Variants in CPS1 observed in about 807,000 individuals in gnomAD.
CPS1 encodes carbamoyl-phosphate synthase 1.
Under a neutral mutation model 174.6 loss-of-function variants are expected in CPS1, and 109 were observed. That is an observed-to-expected ratio of 0.62 (90% CI 0.53 to 0.73). CPS1 has a LOEUF of 0.73. Among genes scored for constraint, CPS1 ranks in the 30% least tolerant of loss-of-function variants. CPS1 has a pLI of 0.00. For missense variants in CPS1, 1,689 were observed against 1,821.9 expected, an observed-to-expected ratio of 0.93 and a Z score of 1.33; for synonymous variants, 637 against 632.0, an observed-to-expected ratio of 1.01 and a Z score of -0.12.
At chr2:210,575,779 C>A (rs1697678034) in intron 2 of CPS1, among the ~76,000 whole-genome samples, 1 of 151,970 alleles carries the variant, frequency 6.6e-6, no homozygotes, top group Non-Finnish European at 1.5e-5. Flanking sequence ...TTGAGTTATT[C>A]TTTCATATAA....
intron 21 of CPS1, among the ~76,000 whole-genome samples, chr2:210,626,750 T>C (rs1370985130): frequency 1.3e-5 from 2 of 152,192 alleles, no homozygotes; most frequent in African/African-American, 2.4e-5. Context: ...GTGAGAAATA[T>C]TCACAGACAT....
At chr2:210,562,855 AC>A (rs1697149410) in intron 1 of CPS1, among the ~76,000 whole-genome samples, 1 of 146,070 alleles carries the variant, frequency 6.8e-6, no homozygotes, top group Non-Finnish European at 1.5e-5. Flanking sequence ...GGAATTACTG[AC>A]TTTTAAATGG....
At chr2:210,540,815 C>T (rs1471008965) in intron 1 of CPS1, among the ~76,000 whole-genome samples, 1 of 152,102 alleles carries the variant, frequency 6.6e-6, no homozygotes, top group Non-Finnish European at 1.5e-5. Context: ...ATATCGACTA[C>T]TTTGTATTAT....
chr2:210,666,886 G>T (rs890591987), intron 33 of CPS1, among the ~76,000 whole-genome samples: 1 of 152,050 alleles, frequency 6.6e-6, no homozygotes, highest in Non-Finnish European at 1.5e-5. Context: ...AGCTTGATGG[G>T]GATGGCATTG....
chr2:210,672,166 C>T (rs903300130), intron 34 of CPS1: 8 of 152,138 alleles, frequency 5.3e-5, no homozygotes, highest in African/African-American at 1.9e-4. Context: ...TGATGCTGCT[C>T]TGCCAGGGAC....
At chr2:210,482,676 A>AAG (rs34641628) in intron 1 of CPS1, among the ~76,000 whole-genome samples, 26 of 149,664 alleles carry the variant, frequency 1.7e-4, no homozygotes, top group East Asian at 3.9e-4. Context: ...GAGAGAGAGA[A>AAG]AGAGAGAGAG....
chr2:210,500,724 T>G (rs754846838), intron 1 of CPS1, among the ~76,000 whole-genome samples: 3 of 152,198 alleles, frequency 2.0e-5, no homozygotes, highest in Non-Finnish European at 2.9e-5. Context: ...CGACTGGCAC[T>G]GAGTGTTTGC....
intron 1 of CPS1, among the ~76,000 whole-genome samples, chr2:210,550,020 A>C (rs573885775): frequency 2.6e-4 from 40 of 152,072 alleles, no homozygotes; most frequent in Non-Finnish European, 5.3e-4. Context: ...TTGCTATTTT[A>C]GGTAAGTCCA....
chr2:210,586,509 A>C (rs1698114213), intron 6 of CPS1, among the ~76,000 whole-genome samples: 1 of 152,008 alleles, frequency 6.6e-6, no homozygotes, highest in Non-Finnish European at 1.5e-5. Flanking sequence ...ACTGGAAAAC[A>C]GTGGTGTGGA....
At chr2:210,521,691 C>G (rs1264039143) in intron 1 of CPS1, among the ~76,000 whole-genome samples, 1 of 151,842 alleles carries the variant, frequency 6.6e-6, no homozygotes, top group Non-Finnish European at 1.5e-5. Context: ...TTAAAAATAT[C>G]TCTCATGACT....
chr2:210,647,483 G>A (rs1471605861), intron 25 of CPS1, among the ~76,000 whole-genome samples: 3 of 152,174 alleles, frequency 2.0e-5, no homozygotes, highest in Non-Finnish European at 4.4e-5. Context: ...AGATGGAGGT[G>A]TACAGGAGAA....
chr2:210,545,451 C>T (rs56768350), intron 1 of CPS1, among the ~76,000 whole-genome samples: 3,148 of 151,872 alleles, frequency 0.021, 94 homozygotes, highest in African/African-American at 0.072. Flanking sequence ...TTGTGGCATT[C>T]TTATTGGGTG....
chr2:210,524,859 G>T (rs11686981), intron 1 of CPS1, among the ~76,000 whole-genome samples: 1 of 151,874 alleles, frequency 6.6e-6, no homozygotes, highest in African/African-American at 2.4e-5. Flanking sequence ...ACCTCCTTCA[G>T]TGTTTCTTGT....
chr2:210,511,130 C>T (rs6714009), intron 1 of CPS1, among the ~76,000 whole-genome samples: 126,060 of 151,048 alleles, frequency 0.83, 53,515 homozygotes, highest in Non-Finnish European at 0.92. Context: ...TGGAACCAAC[C>T]CAAATGTCCA....
intron 1 of CPS1, among the ~76,000 whole-genome samples, chr2:210,509,734 G>GAA: frequency 1.3e-5 from 2 of 151,672 alleles, no homozygotes; most frequent in Non-Finnish European, 3.0e-5. Context: ...TATACCATTA[G>GAA]CAGACAAACA....
At position 210,616,522 on chromosome 2, in the gene CPS1, A is replaced by T; in HGVS notation, c.2668A>T (p.Thr890Ser). 1 of 1,607,870 alleles carries T rather than the reference A, an allele frequency of 6.2e-7. No homozygotes were observed. The highest frequency in any genetic ancestry group is 8.5e-7 in the Non-Finnish European group (1 of 1,174,788). ...KMRDILNMEKTLKGLNSESMT... is the reference protein window; with the variant it reads ...KMRDILNMEKSLKGLNSESMT... ...GCGTGATATTTTAAACATGGAAAAG[A>T]CACTGAAAGGCCTCAACAGGTAAGG... The change falls in exon 21 of 38, where the codon ACA becomes TCA. Residue 890 changes from threonine (T) to serine (S), a missense_variant. By Grantham distance (58) the Thr-to-Ser change is moderately conservative. Coordinates refer to ENST00000233072, the MANE Select transcript of CPS1 (RefSeq NM_001875.5).
chr2:210,636,021 A>G (rs1356635982), intron 21 of CPS1, among the ~76,000 whole-genome samples: 1 of 152,254 alleles, frequency 6.6e-6, no homozygotes, highest in African/African-American at 2.4e-5. Flanking sequence ...ACAAAATGCA[A>G]TAGATTTAAT....
Position 210,620,030 on chromosome 2 carries a change from C to G in CPS1, c.2687+3489C>G, listed in dbSNP as rs527240739. On this transcript the variant is annotated intron_variant, in intron 21 of 37. Transcript: ENST00000233072. ...ACAAATCACCATGGCACGTGTATACCTATGTAACAAGCCTGCATGTTCTGT... is the reference window on the plus strand; with the variant it reads ...ACAAATCACCATGGCACGTGTATACGTATGTAACAAGCCTGCATGTTCTGT... Among the ~76,000 whole-genome samples the G allele has an allele frequency of 2.0e-5, 3 of 151,898 alleles. No individual in the cohort carries two copies. In the East Asian group the frequency reaches 5.8e-4, roughly 30 times the overall value.
At chr2:210,490,607 A>G (rs978037418) in intron 1 of CPS1, among the ~76,000 whole-genome samples, 1 of 152,232 alleles carries the variant, frequency 6.6e-6, no homozygotes, top group Admixed American at 6.5e-5. Context: ...AGTGAAGGAC[A>G]TTTATTGGTC....
Sources: gnomAD v4.1 joint callset for allele counts (sites outside exome capture counted in the v4.1 genomes callset) on GRCh38, gnomAD v4.1.1 for gene constraint, MANE v1.5 for transcripts, NCBI Gene and HGNC (gene_info 2026-07-23, HGNC 2026-07-21) for gene names.